The following FSD2 variants were observed in gnomAD, a reference collection of about 807,000 sequenced individuals.
The protein encoded by FSD2 is fibronectin type III and SPRY domain containing 2.
FSD2 carries 71 observed loss-of-function variants against 80.4 expected under a neutral mutation model. The ratio of observed to expected loss-of-function variants is 0.88; its 90% CI spans 0.73 to 1.08. The LOEUF is 1.08. Ranked by LOEUF, FSD2 falls within the 50% of genes least tolerant of loss-of-function variation. FSD2 has a pLI of 0.00. For synonymous variants in FSD2, 361 were observed against 329.5 expected (o/e 1.10, Z -1.03); for missense variants, 923 against 913.8 (o/e 1.01, Z -0.13).
At chr15:82,794,565 C>T (rs2050218361) in intron 1 of FSD2, among the ~76,000 whole-genome samples, 2 of 152,102 alleles carry the variant, frequency 1.3e-5, no homozygotes, top group South Asian at 4.1e-4. Context: ...GTCATTCTAT[C>T]CATTACTGAA....
chr15:82,778,127 CATATATAT>C lies in FSD2; in HGVS notation c.1111+631_1111+638del, dbSNP rs34527251. Among the ~76,000 whole-genome samples the C allele has an allele frequency of 8.9e-4, 75 of 83,936 alleles. 1 individual carries two copies. The highest frequency in any genetic ancestry group is 1.7e-3 in the Admixed American group (11 of 6,396). 55.1% of individuals were successfully genotyped at this position (83,936 alleles called of 152,430 possible). ...CTCTGAAAAAAAAACACAAAAAAAC[CATATATAT>C]ATATATATATATATATATATATAAT... On this transcript the variant is annotated intron_variant, in intron 6 of 12. Transcript: ENST00000334574.
At position 82,787,507 on chromosome 15, in the gene FSD2, A is replaced by G. The variant is rs2050031784; in HGVS notation, c.-78-39T>C. On this transcript the variant is annotated intron_variant, in intron 1 of 12. Coordinates refer to ENST00000334574, the MANE Select transcript of FSD2 (RefSeq NM_001007122.4). ...GGAGGAGGAAAATCATTTCTGGAGA[A>G]GGGCATTGCAGTAGATGATCATTAG... 35 of 952,620 alleles carry G rather than the reference A, an allele frequency of 3.7e-5. 2 individuals carry two copies. The South Asian group carries it at 5.8e-4, about 16-fold the overall frequency. The allele number at this position is 952,620 out of a possible 1,614,324, so 59.0% of individuals were successfully genotyped here. A position where few individuals can be genotyped will look rare whatever the true frequency, so the allele number is the denominator to read the frequency against.
At position 82,758,067 on chromosome 15, in the gene FSD2, G is replaced by A. The variant is rs2049209334; in HGVS notation, c.*1281C>T. The stretch of plus-strand genomic sequence containing the variant: ...TGGGATTACAGGCGCCCACCACCAT[G>A]CCCGGCTAATTTTTTGTATTTTTAG... On this transcript the variant is annotated 3_prime_UTR_variant, in exon 13 of 13. Transcript: ENST00000334574. 1 of 151,766 alleles carries A rather than the reference G, an allele frequency of 6.6e-6. No homozygotes were observed. Among genetic ancestry groups the A allele is most frequent in the Non-Finnish European group, 1.5e-5 (1 of 67,934 alleles). 9.4% of individuals were successfully genotyped at this position (151,766 alleles called of 1,614,324 possible). A position where few individuals can be genotyped will look rare whatever the true frequency, so the allele number is the denominator to read the frequency against.
intron 9 of FSD2, among the ~76,000 whole-genome samples, chr15:82,766,974 A>T (rs545734653): frequency 6.6e-6 from 1 of 152,298 alleles, no homozygotes; most frequent in Admixed American, 6.5e-5. Context: ...ATGCCCATTT[A>T]CCAATACAAC....
rs2049407777 is a variant in FSD2 at position 82,765,939 on chromosome 15, C to T, written c.1646G>A (p.Gly549Asp). 1.2e-6 allele frequency: 2 copies of T among 1,609,254 alleles called. No homozygotes were observed. The highest frequency in any genetic ancestry group is 2.2e-5 in the East Asian group (1 of 44,822). The change falls in exon 10 of 13, where the codon GGC (glycine) becomes GAC (aspartate). Residue 549 changes from glycine to aspartate, a missense_variant. Transcript: ENST00000334574. ...AGCTGGCTCGCTCCTCACGCTGGGG[C>T]CCCCCATATTGAGGGCTCGCACATA... is the stretch of plus-strand genomic sequence containing the variant. ...IIYVRALNMG[G>D]PSVRSEPATV...
intron 2 of FSD2, 58 bp from the exon 3 acceptor site, chr15:82,786,664 A>T: frequency 6.2e-7 from 1 of 1,606,074 alleles, no homozygotes; most frequent in Non-Finnish European, 8.5e-7. Context: ...TCACTCTTGT[A>T]GAAGGCGTTT....
At chr15:82,774,339 G>A (rs537341304) in intron 6 of FSD2, among the ~76,000 whole-genome samples, 23 of 152,268 alleles carry the variant, frequency 1.5e-4, no homozygotes, top group African/African-American at 5.5e-4. Flanking sequence ...GCCTCCCAAA[G>A]TGCTGGGATC....
chr15:82,760,842 C>A (rs1596224593), intron 12 of FSD2, among the ~76,000 whole-genome samples: 1 of 152,102 alleles, frequency 6.6e-6, no homozygotes, highest in Non-Finnish European at 1.5e-5. Flanking sequence ...CTGTTTCCAC[C>A]CCTCTTCTAT....
chr15:82,800,518 C>T (rs895827434), intron 1 of FSD2, among the ~76,000 whole-genome samples: 18 of 151,586 alleles, frequency 1.2e-4, no homozygotes, highest in African/African-American at 3.9e-4. Context: ...ATGGTGAAAC[C>T]CCGTCTCTAC....
At chr15:82,777,573 C>G (rs553176558) in intron 6 of FSD2, among the ~76,000 whole-genome samples, 2 of 152,134 alleles carry the variant, frequency 1.3e-5, no homozygotes, top group African/African-American at 4.8e-5. Flanking sequence ...AGGCCGACCG[C>G]GGTGGCTCAG....
In FSD2 at chr15:82,759,393, C is replaced by T; in HGVS notation, c.2205G>A (p.Lys735=). Residue 735 remains lysine, a synonymous_variant, in exon 13 of 13, where the codon AAG becomes AAA. Coordinates refer to ENST00000334574, the MANE Select transcript of FSD2 (RefSeq NM_001007122.4). ...CFSLEKPGCL[K]VHNGISMPKH... is the part of the protein sequence containing the mutation. ...TTGGCATTGAAATGCCATTATGTACCTTTAGACACCCAGGCTTTTCCAAAG... is the reference window on the plus strand; with the variant it reads ...TTGGCATTGAAATGCCATTATGTACTTTTAGACACCCAGGCTTTTCCAAAG... 1.2e-6 allele frequency: 2 copies of T among 1,613,678 alleles called. No individual in the cohort carries two copies. The highest frequency in any genetic ancestry group is 1.7e-6 in the Non-Finnish European group (2 of 1,179,778).
intron 11 of FSD2, among the ~76,000 whole-genome samples, chr15:82,763,009 C>T (rs2049326052): frequency 6.6e-6 from 1 of 152,200 alleles, no homozygotes; most frequent in Non-Finnish European, 1.5e-5. Context: ...AATTTTCTCT[C>T]TACTTTCAAA....
intron 6 of FSD2, among the ~76,000 whole-genome samples, chr15:82,777,621 A>G (rs1214594679): frequency 6.6e-6 from 1 of 152,126 alleles, no homozygotes; most frequent in Non-Finnish European, 1.5e-5. Context: ...TAAGGCAGTC[A>G]GATCACTTGA....
rs1334195658 is a variant in FSD2, at chr15:82,787,315, G to A, written c.76C>T (p.Leu26=). 2 of 1,613,870 alleles carry A rather than the reference G, an allele frequency of 1.2e-6. No homozygotes were observed. Among genetic ancestry groups the A allele is most frequent in the South Asian group, 2.2e-5 (2 of 91,070 alleles). Residue 26 remains leucine (L), a synonymous_variant, in exon 2 of 13, where the codon CTG becomes TTG. Transcript: ENST00000334574. ...PKDFHFYHMD[L]YDSEDRLHLF... is the part of the protein sequence containing the mutation. Reference sequence around the variant, plus strand: ...TGCAGTCTGTCTTCAGAGTCATACAGGTCCATGTGGTAAAAGTGGAAATCC... The same window carrying A: ...TGCAGTCTGTCTTCAGAGTCATACAAGTCCATGTGGTAAAAGTGGAAATCC...
At chr15:82,777,579 C>G (rs997304081) in intron 6 of FSD2, among the ~76,000 whole-genome samples, 1 of 152,166 alleles carries the variant, frequency 6.6e-6, no homozygotes, top group Non-Finnish European at 1.5e-5. Context: ...ACCGCGGTGG[C>G]TCAGGCCTGT....
chr15:82,787,980 A>G (rs747458969), intron 1 of FSD2, among the ~76,000 whole-genome samples: 1 of 151,834 alleles, frequency 6.6e-6, no homozygotes, highest in African/African-American at 2.4e-5. Flanking sequence ...GGTTTTCACT[A>G]TGTTGGAACT....
chr15:82,761,529 T>C (rs1481195404), intron 12 of FSD2, among the ~76,000 whole-genome samples: 1 of 152,094 alleles, frequency 6.6e-6, no homozygotes, highest in Non-Finnish European at 1.5e-5. Flanking sequence ...AAATGAAAAA[T>C]CTATCACTTA....
intron 1 of FSD2, among the ~76,000 whole-genome samples, chr15:82,791,946 G>T (rs374434392): frequency 6.6e-6 from 1 of 152,166 alleles, no homozygotes; most frequent in African/African-American, 2.4e-5. Context: ...AAAGTATTCC[G>T]TTGTATGGAT....
chr15:82,788,332 C>G (rs1291009089), intron 1 of FSD2, among the ~76,000 whole-genome samples: 1 of 113,258 alleles, frequency 8.8e-6, no homozygotes, highest in Non-Finnish European at 1.9e-5. Context: ...CCTGTCTCTA[C>G]CAAAAATACA....
Sources: gnomAD v4.1 joint callset for allele counts (sites outside exome capture counted in the v4.1 genomes callset) on GRCh38, gnomAD v4.1.1 for gene constraint, MANE v1.5 for transcripts, NCBI Gene and HGNC (gene_info 2026-07-23, HGNC 2026-07-21) for gene names.